The following VPS13B variants were observed in gnomAD, a reference collection of about 807,000 sequenced individuals.
The protein encoded by VPS13B is intermembrane lipid transfer protein VPS13B.
A neutral mutation model predicts 426.4 loss-of-function variants in VPS13B; 285 were observed. The observed-to-expected ratio is 0.67, with a 90% CI of 0.61 to 0.74. VPS13B has a LOEUF of 0.74. Ranked by LOEUF, VPS13B falls within the 30% of genes least tolerant of loss-of-function variation. The probability of loss-of-function intolerance (pLI) is 0.00; values close to 1 mark genes in which losing one functional copy is unlikely to be tolerated. For synonymous variants in VPS13B, 1,676 were observed against 1,676.4 expected (o/e 1.00, Z 0.01); for missense variants, 4,537 against 4,782.6 (o/e 0.95, Z 1.51).
intron 35 of VPS13B, among the ~76,000 whole-genome samples, chr8:99,664,403 G>T (rs1432601287): frequency 4.0e-5 from 6 of 151,696 alleles, no homozygotes; most frequent in African/African-American, 1.2e-4. Flanking sequence ...TGCCGTGTTG[G>T]TGTGCTGCAC....
intron 21 of VPS13B, among the ~76,000 whole-genome samples, chr8:99,402,688 T>C (rs1183722649): frequency 6.6e-6 from 1 of 152,160 alleles, no homozygotes; most frequent in African/African-American, 2.4e-5. Context: ...TCTTCAAATC[T>C]GCTGGCTTAG....
At chr8:99,130,435 T>C (rs889155389) in intron 8 of VPS13B, among the ~76,000 whole-genome samples, 2 of 151,168 alleles carry the variant, frequency 1.3e-5, no homozygotes, top group African/African-American at 4.9e-5. Context: ...TTGCCCAGGC[T>C]GGAGTGCAGT....
rs1273115247 is a variant in VPS13B, at chr8:99,703,992, G to C, written c.6454+4060G>C. Among the ~76,000 whole-genome samples the C allele has an allele frequency of 2.6e-5, 4 of 152,092 alleles. No homozygotes were observed. The East Asian group carries it at 7.7e-4, about 29-fold the overall frequency. Reference sequence around the variant, plus strand: ...AGCAAGTTAGGTGCCACAAAAGATTGGGGGAAGAACCTTAATGAGGTCATC... The same window carrying C: ...AGCAAGTTAGGTGCCACAAAAGATTCGGGGAAGAACCTTAATGAGGTCATC... On this transcript the variant is annotated intron_variant, in intron 36 of 61. Transcript: ENST00000357162.
At position 99,686,303 on chromosome 8, in the gene VPS13B, T is replaced by A. The variant is rs917165103; in HGVS notation, c.6047-13222T>A. On this transcript the variant is annotated intron_variant, in intron 35 of 61. Transcript: ENST00000357162. ...ACCACAATGCTGGTGGCCACTGTGC[T>A]GAGTCATACCCGAAGCCAACACAGC... Among the ~76,000 whole-genome samples, 12 of 152,288 alleles carry A rather than the reference T, an allele frequency of 7.9e-5. No individual in the cohort carries two copies. The East Asian group carries it at 2.1e-3, about 27-fold the overall frequency.
chr8:99,200,178 T>G (rs762835828), intron 17 of VPS13B, among the ~76,000 whole-genome samples: 5 of 152,216 alleles, frequency 3.3e-5, no homozygotes, highest in Non-Finnish European at 7.4e-5. Context: ...TTAGTGCATT[T>G]TTCCACTTAG....
chr8:99,622,120 T>C (rs1828382870), intron 33 of VPS13B, among the ~76,000 whole-genome samples: 1 of 152,170 alleles, frequency 6.6e-6, no homozygotes, highest in African/African-American at 2.4e-5. Context: ...AATTAAAAAG[T>C]CTTGTGCAAA....
intron 51 of VPS13B, among the ~76,000 whole-genome samples, chr8:99,831,918 A>C (rs554844507): frequency 6.6e-6 from 1 of 152,174 alleles, no homozygotes; most frequent in Non-Finnish European, 1.5e-5. Context: ...CATGTCCCCA[A>C]CCCAGCCTCT....
chr8:99,479,312 G>T (rs1486170440), intron 24 of VPS13B, among the ~76,000 whole-genome samples: 2 of 151,988 alleles, frequency 1.3e-5, no homozygotes, highest in African/African-American at 4.8e-5. Context: ...AAAAGTGTGT[G>T]AATAAATTTT....
intron 20 of VPS13B, chr8:99,389,819 G>T (rs1327197613): frequency 1.3e-5 from 2 of 152,066 alleles, no homozygotes; most frequent in African/African-American, 4.8e-5. Flanking sequence ...AGTTTGGATT[G>T]TATTCCAGGA....
intron 58 of VPS13B, among the ~76,000 whole-genome samples, chr8:99,864,674 A>G (rs953523477): frequency 7.9e-5 from 12 of 152,278 alleles, no homozygotes; most frequent in African/African-American, 2.9e-4. Context: ...AAAATATATT[A>G]AAGGAAAAGT....
intron 19 of VPS13B, among the ~76,000 whole-genome samples, chr8:99,353,503 A>C (rs1245392288): frequency 6.6e-6 from 1 of 152,168 alleles, no homozygotes; most frequent in Non-Finnish European, 1.5e-5. Context: ...TTTCAGGACA[A>C]ATAAAAATCG....
intron 61 of VPS13B, among the ~76,000 whole-genome samples, chr8:99,872,101 C>T (rs1817449456): frequency 6.6e-6 from 1 of 152,166 alleles, no homozygotes; most frequent in African/African-American, 2.4e-5. Flanking sequence ...CACGCAACTG[C>T]TCCACAAAGG....
Position 99,220,950 on chromosome 8 carries a change from C to T in VPS13B, c.2515+27893C>T, listed in dbSNP as rs544604593. Among the ~76,000 whole-genome samples, 208 of 89,302 alleles carry T rather than the reference C, an allele frequency of 2.3e-3. 1 individual carries two copies. The highest frequency in any genetic ancestry group is 3.9e-3 in the Non-Finnish European group (174 of 45,194). 58.6% of individuals were successfully genotyped at this position (89,302 alleles called of 152,430 possible). ...CTATCCCTCCCCCCTCCCCCGACCCCACCACAGTCCCCAGAGTGTGATATT... is the reference window on the plus strand; with the variant it reads ...CTATCCCTCCCCCCTCCCCCGACCCTACCACAGTCCCCAGAGTGTGATATT... On this transcript the variant is annotated intron_variant, in intron 17 of 61. Transcript: ENST00000357162.
chr8:99,838,817 A>C (rs371283672), intron 54 of VPS13B, among the ~76,000 whole-genome samples: 2 of 152,354 alleles, frequency 1.3e-5, no homozygotes, highest in African/African-American at 4.8e-5. Context: ...TGTGCCTTCA[A>C]GGTGAACAGG....
intron 36 of VPS13B, among the ~76,000 whole-genome samples, chr8:99,713,445 G>A (rs1563877424): frequency 1.3e-5 from 2 of 152,178 alleles, no homozygotes; most frequent in Admixed American, 6.5e-5. Flanking sequence ...CTGAAGAGGT[G>A]CTTAGCAAGT....
chr8:99,503,552 A>G (rs1193539108), intron 27 of VPS13B, among the ~76,000 whole-genome samples: 4 of 152,198 alleles, frequency 2.6e-5, no homozygotes, highest in Non-Finnish European at 5.9e-5. Context: ...TGCTGTAAAA[A>G]ATGAGATTAT....
rs560051089 is a variant in VPS13B, at chr8:99,285,421, A to G, written c.2824+10167A>G. 2.6e-5 allele frequency among the ~76,000 whole-genome samples: 4 copies of G among 152,280 alleles called. No homozygotes were observed. The South Asian group carries it at 8.3e-4, about 32-fold the overall frequency. On this transcript the variant is annotated intron_variant, in intron 19 of 61. Coordinates refer to ENST00000357162, the MANE Select transcript of VPS13B (RefSeq NM_152564.5). ...GCTTGTATAGTAAAAGTAAACTGGT[A>G]TTCAGAGTAAATAGTAGCTTCATTA...
intron 19 of VPS13B, among the ~76,000 whole-genome samples, chr8:99,325,315 A>G (rs1563668901): frequency 3.9e-5 from 6 of 152,124 alleles, no homozygotes; most frequent in Admixed American, 3.3e-4. Flanking sequence ...CTAACTTCTC[A>G]CCGTCAATCA....
At chr8:99,349,247 G>A (rs1811724387) in intron 19 of VPS13B, among the ~76,000 whole-genome samples, 1 of 143,460 alleles carries the variant, frequency 7.0e-6, no homozygotes, top group South Asian at 2.3e-4. Context: ...GCAGGAGAAT[G>A]GCGTGTACCC....
Sources: allele counts gnomAD v4.1 joint callset (sites outside exome capture counted in the v4.1 genomes callset), GRCh38; gene constraint gnomAD v4.1.1; transcripts MANE v1.5; gene names NCBI Gene and HGNC (gene_info 2026-07-23, HGNC 2026-07-21).